AFF1: variants seen among roughly 807,000 people sequenced by gnomAD.
AFF1 encodes AF4/FMR2 family member 1.
AFF1 carries 48 observed loss-of-function variants against 121.7 expected under a neutral mutation model. The ratio of observed to expected loss-of-function variants is 0.39; its 90% CI spans 0.31 to 0.50. The LOEUF is 0.50. AFF1 is among the 20% of genes least tolerant of loss of function. The pLI, the probability that AFF1 is intolerant of heterozygous loss-of-function variation, is 0.76. For synonymous variants in AFF1, 613 were observed against 563.0 expected, an observed-to-expected ratio of 1.09 and a Z score of -1.26; for missense variants, 1,523 against 1,511.7, an observed-to-expected ratio of 1.01 and a Z score of -0.12.
chr4:87,017,055 C>G (rs1037202792), intron 2 of AFF1, among the ~76,000 whole-genome samples: 1 of 143,516 alleles, frequency 7.0e-6, no homozygotes, highest in Non-Finnish European at 1.5e-5. Context: ...ACATACAAGA[C>G]TTTGGACATA....
chr4:87,002,235 A>G (rs1160387691), intron 2 of AFF1, among the ~76,000 whole-genome samples: 1 of 150,780 alleles, frequency 6.6e-6, no homozygotes, highest in African/African-American at 2.4e-5. Context: ...TGGGACTACA[A>G]GTGTGAGCCA....
At chr4:86,978,177 CTTT>C (rs10676975) in intron 2 of AFF1, among the ~76,000 whole-genome samples, 49 of 39,318 alleles carry the variant, frequency 1.2e-3, no homozygotes, top group East Asian at 0.011. Flanking sequence ...ATTACATTCA[CTTT>C]TTTTTTTTTT....
chr4:87,001,483 C>T (rs759421041), intron 2 of AFF1, among the ~76,000 whole-genome samples: 6 of 151,960 alleles, frequency 3.9e-5, no homozygotes, highest in African/African-American at 1.2e-4. Context: ...CCCAAGGTGT[C>T]GGGATTACAG....
At chr4:87,008,486 A>G (rs112565439) in intron 2 of AFF1, among the ~76,000 whole-genome samples, 6,785 of 152,272 alleles carry the variant, frequency 0.045, 491 homozygotes, top group African/African-American at 0.15. Flanking sequence ...TCTTCTCAAC[A>G]CAGTGGTTTA....
At position 87,013,032 on chromosome 4, in the gene AFF1, C is replaced by CTTTTTTTTTTTTTTTT. The variant is rs61071328; in HGVS notation, c.39-33123_39-33108dup. On this transcript the variant is annotated intron_variant, in intron 2 of 20. Coordinates refer to ENST00000395146, the MANE Select transcript of AFF1 (RefSeq NM_001166693.3). The stretch of plus-strand genomic sequence containing the variant: ...AACCAGATTGAACTGCTATCAAGTT[C>CTTTTTTTTTTTTTTTT]TTTTTTTTTTTTTTTTTTTTTTTTT... Among the ~76,000 whole-genome samples the CTTTTTTTTTTTTTTTT allele has an allele frequency of 2.8e-4, 26 of 93,492 alleles. 2 individuals carry two copies. Among genetic ancestry groups the CTTTTTTTTTTTTTTTT allele is most frequent in the South Asian group, 4.7e-4 (1 of 2,110 alleles). The allele number at this position is 93,492 out of a possible 152,430, so 61.3% of individuals were successfully genotyped here.
In AFF1 at chr4:87,135,909, T is replaced by C; in HGVS notation, c.*208T>C. 2.6e-6 allele frequency: 2 copies of C among 763,448 alleles called. No homozygotes were observed. Among genetic ancestry groups the C allele is most frequent in the Non-Finnish European group, 3.7e-6 (2 of 536,270 alleles). The allele number at this position is 763,448 out of a possible 1,614,324, so 47.3% of individuals were successfully genotyped here. A position where few individuals can be genotyped will look rare whatever the true frequency, so the allele number is the denominator to read the frequency against. On this transcript the variant is annotated 3_prime_UTR_variant, in exon 21 of 21. Coordinates refer to ENST00000395146, the MANE Select transcript of AFF1 (RefSeq NM_001166693.3). ...TATGCAGAAGCAGAGATGAGGAGGCTGGCCCCAGAGATGATCTTGCCCTTC... is the reference window on the plus strand; with the variant it reads ...TATGCAGAAGCAGAGATGAGGAGGCCGGCCCCAGAGATGATCTTGCCCTTC...
At chr4:87,056,595 C>G (rs1378022924) in intron 4 of AFF1, among the ~76,000 whole-genome samples, 2 of 152,116 alleles carry the variant, frequency 1.3e-5, no homozygotes. Flanking sequence ...TCTGAACATT[C>G]TTACAAAATG....
chr4:87,044,135 C>T (rs144646107), intron 2 of AFF1, among the ~76,000 whole-genome samples: 1 of 152,210 alleles, frequency 6.6e-6, no homozygotes, highest in Non-Finnish European at 1.5e-5. Context: ...AATTATTTAC[C>T]ACATTGTAGT....
chr4:87,073,280 CAAAAAAAAAAAAAAAAAAA>C (rs55821662), intron 4 of AFF1, among the ~76,000 whole-genome samples: 62 of 83,680 alleles, frequency 7.4e-4, no homozygotes, highest in South Asian at 1.1e-3. Flanking sequence ...GCATTAAAGC[CAAAAAAAAAAAAAAAAAAA>C]AAAAAAAAAA....
chr4:86,960,516 C>T (rs1722073445), intron 2 of AFF1, among the ~76,000 whole-genome samples: 1 of 152,066 alleles, frequency 6.6e-6, no homozygotes, highest in African/African-American at 2.4e-5. Context: ...TAAAAGAAGT[C>T]CAAAGGCAGT....
intron 12 of AFF1, 40 bp from the exon 13 acceptor site, chr4:87,124,997 A>G: frequency 6.7e-7 from 1 of 1,487,006 alleles, no homozygotes; most frequent in African/African-American, 1.4e-5. Context: ...CTGTACAATT[A>G]TGTTGGTAAT....
chr4:87,104,768 A>G (rs1241354324), intron 8 of AFF1, among the ~76,000 whole-genome samples: 1 of 152,210 alleles, frequency 6.6e-6, no homozygotes, highest in Non-Finnish European at 1.5e-5. Flanking sequence ...AAAATTTGAC[A>G]ACACATGTAC....
intron 1 of AFF1, among the ~76,000 whole-genome samples, chr4:86,940,942 GC>G (rs1254104635): frequency 6.6e-6 from 1 of 151,706 alleles, no homozygotes; most frequent in Non-Finnish European, 1.5e-5. Context: ...ACAAAAATTA[GC>G]CGGGTATTGT....
chr4:87,101,570 C>A (rs1423842231), intron 8 of AFF1, among the ~76,000 whole-genome samples: 1 of 128,896 alleles, frequency 7.8e-6, no homozygotes. Flanking sequence ...CAGAGTGAGA[C>A]CTTGTCTGAA....
chr4:87,088,889 G>C (rs184097260), intron 5 of AFF1, among the ~76,000 whole-genome samples: 3 of 152,316 alleles, frequency 2.0e-5, no homozygotes, highest in Non-Finnish European at 4.4e-5. Context: ...GGGATTACAG[G>C]CATGCACACC....
chr4:86,937,557 A>G (rs909164037), intron 1 of AFF1, among the ~76,000 whole-genome samples: 2 of 152,146 alleles, frequency 1.3e-5, no homozygotes, highest in African/African-American at 2.4e-5. Context: ...TAAAATACAT[A>G]TATATTTATC....
In AFF1 at chr4:87,137,545, G is replaced by A. The variant is rs563458900; in HGVS notation, c.*1844G>A. On this transcript the variant is annotated 3_prime_UTR_variant, in exon 21 of 21. Coordinates refer to ENST00000395146, the MANE Select transcript of AFF1 (RefSeq NM_001166693.3). ...AGGTGAAAGCCAGAGAATGACAGCT[G>A]TAGTCATATCTGAGCATAAGACCTT... is the stretch of plus-strand genomic sequence containing the variant. 20 of 230,858 alleles carry A rather than the reference G, an allele frequency of 8.7e-5. No homozygotes were observed. The highest frequency in any genetic ancestry group is 1.8e-4 in the East Asian group (3 of 16,236). The allele number at this position is 230,858 out of a possible 1,614,324, so 14.3% of individuals were successfully genotyped here.
At chr4:87,021,331 C>T (rs1370817424) in intron 2 of AFF1, among the ~76,000 whole-genome samples, 3 of 152,206 alleles carry the variant, frequency 2.0e-5, no homozygotes, top group African/African-American at 4.8e-5. Flanking sequence ...TCCTGAGTCA[C>T]TCACCAGACA....
At chr4:87,119,775 AAAT>A (rs201127876) in intron 12 of AFF1, among the ~76,000 whole-genome samples, 1,762 of 152,306 alleles carry the variant, frequency 0.012, 19 homozygotes, top group Middle Eastern at 0.041. Flanking sequence ...TACTTTTTCT[AAAT>A]AATCGCTTTG....
Sources: allele counts gnomAD v4.1 joint callset (sites outside exome capture counted in the v4.1 genomes callset), GRCh38; gene constraint gnomAD v4.1.1; transcripts MANE v1.5; gene names NCBI Gene and HGNC (gene_info 2026-07-23, HGNC 2026-07-21).